Variants in LINGO2 observed in about 807,000 individuals in gnomAD.
The protein encoded by LINGO2 is leucine rich repeat and Ig domain containing 2.
In LINGO2, 14 loss-of-function variants were observed where a neutral mutation model predicts 30.6. The ratio of observed to expected loss-of-function variants is 0.46; its 90% CI spans 0.30 to 0.72. LINGO2 has a LOEUF of 0.72. Among genes scored for constraint, LINGO2 ranks in the 30% least tolerant of loss-of-function variants. The probability of loss-of-function intolerance (pLI) is 0.07; values close to 1 mark genes in which losing one functional copy is unlikely to be tolerated. For synonymous variants in LINGO2, 317 were observed against 288.5 expected, an observed-to-expected ratio of 1.10 and a Z score of -1.00; for missense variants, 729 against 751.7, an observed-to-expected ratio of 0.97 and a Z score of 0.35.
intron 5 of LINGO2, among the ~76,000 whole-genome samples, chr9:27,961,007 C>A (rs568505738): frequency 9.2e-5 from 14 of 152,104 alleles, no homozygotes; most frequent in Non-Finnish European, 2.9e-5. Context: ...TTCAACTTTA[C>A]AATGGTGTGA....
At chr9:28,069,420 G>A (rs1333372796) in intron 4 of LINGO2, among the ~76,000 whole-genome samples, 3 of 152,142 alleles carry the variant, frequency 2.0e-5, no homozygotes, top group African/African-American at 4.8e-5. Context: ...GAGCTATTAT[G>A]GGAAGAGCAG....
intron 4 of LINGO2, among the ~76,000 whole-genome samples, chr9:28,043,620 C>G (rs1040159852): frequency 1.3e-5 from 2 of 152,150 alleles, no homozygotes; most frequent in African/African-American, 2.4e-5. Context: ...CAAACATATA[C>G]AAAACTATGA....
At chr9:28,978,883 A>C in the LINGO2 span, among the ~76,000 whole-genome samples, 2 of 152,156 alleles carry the variant, frequency 1.3e-5, no homozygotes, top group South Asian at 4.1e-4. Context: ...AAATAAAATG[A>C]ATATTCTCAT....
At chr9:28,333,265 T>C (rs1307586440) in intron 3 of LINGO2, among the ~76,000 whole-genome samples, 1 of 152,204 alleles carries the variant, frequency 6.6e-6, no homozygotes, top group Non-Finnish European at 1.5e-5. Flanking sequence ...GGAAGAACAC[T>C]TGATTCAATA....
chr9:28,240,209 C>T (rs545910032), intron 4 of LINGO2, among the ~76,000 whole-genome samples: 1 of 152,166 alleles, frequency 6.6e-6, no homozygotes, highest in South Asian at 2.1e-4. Flanking sequence ...CTACACAAAG[C>T]AATCTATAGA....
At chr9:28,414,467 G>C (rs1822893484) in intron 2 of LINGO2, among the ~76,000 whole-genome samples, 1 of 152,050 alleles carries the variant, frequency 6.6e-6, no homozygotes, top group Non-Finnish European at 1.5e-5. Context: ...AAAAAGAAGA[G>C]AGCATTGAGG....
chr9:28,845,942 C>T, the LINGO2 span, among the ~76,000 whole-genome samples: 1 of 151,574 alleles, frequency 6.6e-6, no homozygotes, highest in Non-Finnish European at 1.5e-5. Context: ...ACTGGAGGTA[C>T]AATATCCCTC....
the LINGO2 span, among the ~76,000 whole-genome samples, chr9:28,691,358 T>C: frequency 6.6e-6 from 1 of 152,198 alleles, no homozygotes; most frequent in Non-Finnish European, 1.5e-5. Flanking sequence ...TAAAGTTGAC[T>C]GGTTGAAACA....
the LINGO2 span, among the ~76,000 whole-genome samples, chr9:28,991,238 C>T: frequency 0.64 from 96,618 of 150,618 alleles, 31,809 homozygotes; most frequent in Non-Finnish European, 0.72. Flanking sequence ...CAGGAGCCGA[C>T]GCGATCAACT....
chr9:28,347,076 G>A (rs752759128), intron 3 of LINGO2, among the ~76,000 whole-genome samples: 59 of 152,052 alleles, frequency 3.9e-4, no homozygotes, highest in Non-Finnish European at 6.9e-4. Flanking sequence ...ATTTTTTGCA[G>A]ATACAAAATA....
At chr9:28,897,329 G>C in the LINGO2 span, among the ~76,000 whole-genome samples, 1 of 152,110 alleles carries the variant, frequency 6.6e-6, no homozygotes, top group African/African-American at 2.4e-5. Flanking sequence ...ACAATCCTAA[G>C]TTTATACATC....
chr9:28,708,768 T>A, the LINGO2 span, among the ~76,000 whole-genome samples: 1 of 146,582 alleles, frequency 6.8e-6, no homozygotes, highest in African/African-American at 2.4e-5. Flanking sequence ...TAATTATCTA[T>A]CTATCTATCT....
intron 2 of LINGO2, among the ~76,000 whole-genome samples, chr9:28,383,042 C>A (rs372991218): frequency 1.6e-4 from 25 of 151,980 alleles, no homozygotes; most frequent in African/African-American, 5.6e-4. Context: ...GAAGTGAAGT[C>A]TTTTACTGTG....
chr9:27,999,707 A>T (rs753421380), intron 5 of LINGO2, among the ~76,000 whole-genome samples: 8 of 152,172 alleles, frequency 5.3e-5, no homozygotes, highest in Non-Finnish European at 1.2e-4. Flanking sequence ...GACTTCTCTA[A>T]GTCCAATGAA....
chr9:28,478,443 A>G (rs2086712281), intron 1 of LINGO2, among the ~76,000 whole-genome samples: 1 of 152,138 alleles, frequency 6.6e-6, no homozygotes, highest in African/African-American at 2.4e-5. Context: ...TCATTCAGTG[A>G]GTCTAGGGTA....
chr9:28,962,929 C>G, the LINGO2 span, among the ~76,000 whole-genome samples: 1 of 151,894 alleles, frequency 6.6e-6, no homozygotes, highest in Non-Finnish European at 1.5e-5. Flanking sequence ...TCTTCTCATC[C>G]TTTACCTTCT....
chr9:29,155,224 C>A, the LINGO2 span, among the ~76,000 whole-genome samples: 2 of 152,026 alleles, frequency 1.3e-5, no homozygotes, highest in Admixed American at 6.6e-5. Context: ...TTTCTTGGCA[C>A]AAAATGATGT....
intron 4 of LINGO2, among the ~76,000 whole-genome samples, chr9:28,244,610 A>T (rs1412222774): frequency 1.3e-5 from 2 of 152,162 alleles, no homozygotes; most frequent in East Asian, 1.9e-4. Context: ...ATAAAAAATG[A>T]ATAAGGGGAT....
chr9:28,878,636 C>T, the LINGO2 span, among the ~76,000 whole-genome samples: 1 of 152,170 alleles, frequency 6.6e-6, no homozygotes, highest in Non-Finnish European at 1.5e-5. Flanking sequence ...AAAGCTTATC[C>T]ACCAGGATCA....
Sources: allele counts gnomAD v4.1 joint callset (sites outside exome capture counted in the v4.1 genomes callset), GRCh38; gene constraint gnomAD v4.1.1; transcripts MANE v1.5; gene names NCBI Gene and HGNC (gene_info 2026-07-23, HGNC 2026-07-21).